TNFSF4: variants seen among roughly 807,000 people sequenced by gnomAD.
The protein encoded by TNFSF4 is tumor necrosis factor ligand superfamily member 4.
A neutral mutation model predicts 7.3 loss-of-function variants in TNFSF4; 4 were observed. The observed-to-expected ratio is 0.55, with a 90% CI of 0.27 to 1.25. The LOEUF (loss-of-function observed/expected upper bound fraction) is 1.25, where lower values mean the gene tolerates loss of function less well. Among genes scored for constraint, TNFSF4 ranks in the 50% most tolerant of loss-of-function variants. The pLI, the probability that TNFSF4 is intolerant of heterozygous loss-of-function variation, is 0.12. For synonymous variants in TNFSF4, 76 were observed against 83.7 expected (o/e 0.91, Z 0.50); for missense variants, 181 against 208.8 (o/e 0.87, Z 0.82).
At chr1:173,193,756 C>T (rs1482840945) in intron 1 of TNFSF4, among the ~76,000 whole-genome samples, 2 of 142,436 alleles carry the variant, frequency 1.4e-5, no homozygotes, top group African/African-American at 5.5e-5. Context: ...TTCAGGGCTC[C>T]CATAAGTGAA....
the TNFSF4 span, among the ~76,000 whole-genome samples, chr1:173,400,442 T>C: frequency 0.013 from 1,986 of 152,268 alleles, 54 homozygotes; most frequent in African/African-American, 0.045. Flanking sequence ...ACCAGTAAAA[T>C]GTTTCCTTCC....
chr1:173,328,476 C>A, the TNFSF4 span, among the ~76,000 whole-genome samples: 1 of 151,064 alleles, frequency 6.6e-6, no homozygotes, highest in African/African-American at 2.4e-5. Context: ...GCACGTTGTG[C>A]ACATGTACCC....
chr1:173,220,238 T>C, the TNFSF4 span, among the ~76,000 whole-genome samples: 1 of 152,112 alleles, frequency 6.6e-6, no homozygotes, highest in Non-Finnish European at 1.5e-5. Flanking sequence ...TAAAACTGAA[T>C]TGGATCTCAG....
chr1:173,343,548 C>G, the TNFSF4 span, among the ~76,000 whole-genome samples: 7 of 152,168 alleles, frequency 4.6e-5, no homozygotes, highest in Admixed American at 4.6e-4. Context: ...TCCCCTTTGC[C>G]TTCCTAACTC....
chr1:173,357,358 A>T, the TNFSF4 span, among the ~76,000 whole-genome samples: 2 of 152,164 alleles, frequency 1.3e-5, no homozygotes, highest in Non-Finnish European at 2.9e-5. Flanking sequence ...AATCTCTGCC[A>T]TGGGTGCGGG....
chr1:173,234,027 A>T, the TNFSF4 span, among the ~76,000 whole-genome samples: 1 of 152,228 alleles, frequency 6.6e-6, no homozygotes, highest in African/African-American at 2.4e-5. Flanking sequence ...AGAATGGGAG[A>T]AAATTTTTGC....
the TNFSF4 span, among the ~76,000 whole-genome samples, chr1:173,294,871 A>G: frequency 6.6e-6 from 1 of 152,034 alleles, no homozygotes; most frequent in African/African-American, 2.4e-5. Flanking sequence ...AAAAACTTTT[A>G]TTCAGAATAT....
At chr1:173,269,054 A>G in the TNFSF4 span, among the ~76,000 whole-genome samples, 1 of 152,128 alleles carries the variant, frequency 6.6e-6, no homozygotes, top group Non-Finnish European at 1.5e-5. Context: ...ATTATAGTCT[A>G]TTTTTATCAA....
the TNFSF4 span, chr1:173,417,993 C>T: frequency 6.6e-6 from 1 of 151,344 alleles, no homozygotes; most frequent in Non-Finnish European, 1.5e-5. Context: ...AGGAAGCCTT[C>T]CCTGGCCACC....
the TNFSF4 span, among the ~76,000 whole-genome samples, chr1:173,266,593 GT>G: frequency 6.6e-6 from 1 of 152,050 alleles, no homozygotes; most frequent in South Asian, 2.1e-4. Context: ...CTTTCTTCAT[GT>G]TCTCTGTGAA....
the TNFSF4 span, among the ~76,000 whole-genome samples, chr1:173,315,843 G>A: frequency 6.6e-6 from 1 of 152,032 alleles, no homozygotes; most frequent in African/African-American, 2.4e-5. Context: ...CCAATCTATA[G>A]GTTGCCTTTT....
chr1:173,358,147 T>C, the TNFSF4 span, among the ~76,000 whole-genome samples: 3 of 152,092 alleles, frequency 2.0e-5, no homozygotes, highest in Admixed American at 6.6e-5. Flanking sequence ...GACGTGATGA[T>C]GGAAGGAAGT....
chr1:173,248,089 C>T, the TNFSF4 span, among the ~76,000 whole-genome samples: 1 of 152,088 alleles, frequency 6.6e-6, no homozygotes, highest in African/African-American at 2.4e-5. Flanking sequence ...GGCGCAGTGG[C>T]TCGCACCTGT....
intron 1 of TNFSF4, among the ~76,000 whole-genome samples, chr1:173,193,387 T>G (rs766568044): frequency 6.6e-6 from 1 of 152,170 alleles, no homozygotes; most frequent in African/African-American, 2.4e-5. Flanking sequence ...CATGCCAGAA[T>G]TGAAGTATAG....
At chr1:173,371,180 T>A in the TNFSF4 span, among the ~76,000 whole-genome samples, 1 of 152,162 alleles carries the variant, frequency 6.6e-6, no homozygotes. Flanking sequence ...TCAGTGTTAA[T>A]CTCCTGCGCT....
At chr1:173,245,243 A>G in the TNFSF4 span, among the ~76,000 whole-genome samples, 2 of 152,208 alleles carry the variant, frequency 1.3e-5, no homozygotes, top group African/African-American at 4.8e-5. Flanking sequence ...GGTGATCAAT[A>G]AAGATACTCA....
the TNFSF4 span, among the ~76,000 whole-genome samples, chr1:173,175,793 G>A: frequency 6.6e-6 from 1 of 152,200 alleles, no homozygotes; most frequent in Non-Finnish European, 1.5e-5. Flanking sequence ...TCTAGACTAA[G>A]CTTGGGACCC....
chr1:173,371,345 G>A, the TNFSF4 span, among the ~76,000 whole-genome samples: 1 of 152,154 alleles, frequency 6.6e-6, no homozygotes, highest in Admixed American at 6.5e-5. Context: ...TTATTAGGGA[G>A]GGATATATTA....
chr1:173,327,136 C>A, the TNFSF4 span, among the ~76,000 whole-genome samples: 7 of 152,286 alleles, frequency 4.6e-5, no homozygotes, highest in South Asian at 2.1e-4. Context: ...GCTATAGTAA[C>A]CAAAACAGCA....
Sources: allele counts gnomAD v4.1 joint callset (sites outside exome capture counted in the v4.1 genomes callset), GRCh38; gene constraint gnomAD v4.1.1; transcripts MANE v1.5; gene names NCBI Gene and HGNC (gene_info 2026-07-23, HGNC 2026-07-21).